The following ASIC5 variants were observed in gnomAD, a reference collection of about 807,000 sequenced individuals.
The protein encoded by ASIC5 is bile acid-sensitive ion channel.
In ASIC5, 52 loss-of-function variants were observed where a neutral mutation model predicts 51.2. The ratio of observed to expected loss-of-function variants is 1.02; its 90% CI spans 0.81 to 1.28. The LOEUF is 1.28. ASIC5 is among the 50% of genes most tolerant of loss of function. ASIC5 has a pLI of 0.00. For synonymous variants in ASIC5, 231 were observed against 200.7 expected (o/e 1.15, Z -1.28); for missense variants, 635 against 595.0 (o/e 1.07, Z -0.70).
At chr4:155,852,467 G>T in intron 3 of ASIC5, 151 bp from the exon 4 acceptor site, 2 of 424,324 alleles carry the variant, frequency 4.7e-6, no homozygotes, top group East Asian at 4.8e-5. Context: ...TGTATTCAGT[G>T]ATAGTTTTTT....
At chr4:155,855,152 T>C (rs1400819722) in intron 2 of ASIC5, 1 of 152,102 alleles carries the variant, frequency 6.6e-6, no homozygotes, top group African/African-American at 2.4e-5. Flanking sequence ...CCAGTTAGGT[T>C]CTAATTGTTA....
At chr4:155,840,443 A>G (rs1741090193) in intron 6 of ASIC5, among the ~76,000 whole-genome samples, 1 of 147,282 alleles carries the variant, frequency 6.8e-6, no homozygotes, top group Non-Finnish European at 1.5e-5. Context: ...ATATAATATA[A>G]TATATATTTT....
chr4:155,861,114 C>T (rs1741692656), intron 2 of ASIC5, among the ~76,000 whole-genome samples: 1 of 151,826 alleles, frequency 6.6e-6, no homozygotes, highest in Non-Finnish European at 1.5e-5. Context: ...GATTGATAAA[C>T]ATATTTGAAT....
At chr4:155,863,371 C>G in intron 2 of ASIC5, 77 bp downstream of exon 2, 1 of 1,187,742 alleles carries the variant, frequency 8.4e-7, no homozygotes, top group Non-Finnish European at 1.2e-6. Context: ...CATGAGAAAA[C>G]TCTTTGTCAG....
chr4:155,851,139 T>C (rs1161109912), intron 4 of ASIC5, among the ~76,000 whole-genome samples: 1 of 152,070 alleles, frequency 6.6e-6, no homozygotes, highest in African/African-American at 2.4e-5. Context: ...TAGATGTTCA[T>C]TGCATTCTAA....
Position 155,829,845 on chromosome 4 carries a change from C to G in ASIC5, c.*11G>C. 1 of 1,482,298 alleles carries G rather than the reference C, an allele frequency of 6.7e-7. No individual in the cohort carries two copies. The highest frequency in any genetic ancestry group is 9.0e-7 in the Non-Finnish European group (1 of 1,112,586). 91.8% of individuals were successfully genotyped at this position (1,482,298 alleles called of 1,614,324 possible). On this transcript the variant is annotated 3_prime_UTR_variant, in exon 10 of 10. Transcript: ENST00000537611. ...ATCATGAAAAGGAAACTATTTTATT[C>G]TAAGTGACCATTAACACTCCTCTAT... is the stretch of plus-strand genomic sequence containing the variant.
chr4:155,848,128 A>T (rs1741298757), intron 4 of ASIC5, among the ~76,000 whole-genome samples: 1 of 152,062 alleles, frequency 6.6e-6, no homozygotes, highest in Admixed American at 6.6e-5. Flanking sequence ...TGGAAAATTA[A>T]GTCTCCTCTC....
At chr4:155,865,079 T>A (rs1741826936) in intron 1 of ASIC5, 2 of 152,016 alleles carry the variant, frequency 1.3e-5, no homozygotes, top group South Asian at 4.1e-4. Context: ...TTATAGGACA[T>A]ATGCTATAAA....
chr4:155,853,136 A>G (rs1478712785), intron 3 of ASIC5, among the ~76,000 whole-genome samples: 5 of 152,072 alleles, frequency 3.3e-5, no homozygotes, highest in Non-Finnish European at 5.9e-5. Context: ...GTAATATGCA[A>G]CTGAAAAAAT....
intron 8 of ASIC5, among the ~76,000 whole-genome samples, chr4:155,835,321 C>T (rs749883644): frequency 2.0e-5 from 3 of 150,886 alleles, no homozygotes; most frequent in Non-Finnish European, 4.4e-5. Flanking sequence ...GTTTGAGCTG[C>T]GGGGATACCG....
At chr4:155,856,143 T>C (rs189334761) in intron 2 of ASIC5, among the ~76,000 whole-genome samples, 1 of 152,090 alleles carries the variant, frequency 6.6e-6, no homozygotes, top group Non-Finnish European at 1.5e-5. Flanking sequence ...AATCTCAAGA[T>C]GATAAATAAG....
intron 4 of ASIC5, among the ~76,000 whole-genome samples, chr4:155,846,759 C>T (rs970870363): frequency 3.8e-4 from 57 of 151,784 alleles, no homozygotes; most frequent in African/African-American, 1.2e-3. Context: ...ACAAACATGT[C>T]GTAACTTAGA....
Position 155,855,843 on chromosome 4 carries a change from C to T in ASIC5, c.348-1529G>A, listed in dbSNP as rs566116271. 8.3e-4 allele frequency among the ~76,000 whole-genome samples: 126 copies of T among 151,952 alleles called. 1 individual carries two copies. Among genetic ancestry groups the T allele is most frequent in the African/African-American group, 2.9e-3 (119 of 41,476 alleles). On this transcript the variant is annotated intron_variant, in intron 2 of 9. Transcript: ENST00000537611. The stretch of plus-strand genomic sequence containing the variant: ...GGGTCAGCTAACGGAAGTGGCCTTG[C>T]AAAGCTGTCTTTTATGTGGAAAATT...
rs1242538037 is a variant in ASIC5, at chr4:155,831,695, C to T, written c.1327+129G>A. 7.5e-6 allele frequency: 4 copies of T among 536,062 alleles called. No homozygotes were observed. The East Asian group carries it at 1.1e-4, about 15-fold the overall frequency. 33.2% of individuals were successfully genotyped at this position (536,062 alleles called of 1,614,324 possible). A position where few individuals can be genotyped will look rare whatever the true frequency, so the allele number is the denominator to read the frequency against. ...CTGAGGCAGGAGAATGGTGTGAACC[C>T]CCTGGGAAGCGGAGCTTGCAGTAAG... On this transcript the variant is annotated intron_variant, in intron 9 of 9. Transcript: ENST00000537611.
intron 4 of ASIC5, 151 bp downstream of exon 4, chr4:155,852,040 A>G: frequency 3.5e-6 from 3 of 853,706 alleles, no homozygotes; most frequent in Non-Finnish European, 5.3e-6. Context: ...GCCAGTAGTT[A>G]TATAAAATCC....
Position 155,852,153 on chromosome 4 carries a change from C to T in ASIC5, c.711+38G>A, listed in dbSNP as rs151022320. The T allele has an allele frequency of 1.0e-4, 162 of 1,610,134 alleles. No individual in the cohort carries two copies. The African/African-American group carries it at 1.8e-3, about 18-fold the overall frequency. ...TGATCAAGTTTTTGAAACCCCCACA[C>T]ATTCTCGTTTGTCTTGAACCTGGAG... On this transcript the variant is annotated intron_variant, in intron 4 of 9. Transcript: ENST00000537611.
At chr4:155,860,408 A>T (rs1383048097) in intron 2 of ASIC5, among the ~76,000 whole-genome samples, 1 of 151,972 alleles carries the variant, frequency 6.6e-6, no homozygotes, top group African/African-American at 2.4e-5. Flanking sequence ...TAGCACATTA[A>T]CTAAAATATT....
Position 155,852,200 on chromosome 4 carries a change from A to G in ASIC5, c.702T>C (p.Asn234=), listed in dbSNP as rs1306135746. The G allele has an allele frequency of 1.2e-6, 2 of 1,611,904 alleles. No homozygotes were observed. Among genetic ancestry groups the G allele is most frequent in the African/African-American group, 1.3e-5 (1 of 74,786 alleles). ...VSGRGLSLLF[N]VNQEAFTDNP... is the part of the protein sequence containing the mutation. ...GGAGAAAATTCAGTACCTGATTCAC[A>G]TTGAAGAGTAAGCTCAAACCTCTTC... Residue 234 remains asparagine (N), a synonymous_variant, in exon 4 of 10, where the codon AAT becomes AAC. Transcript: ENST00000537611.
chr4:155,863,852 T>C (rs1741788952), intron 1 of ASIC5, 98 bp from the exon 2 acceptor site: 1 of 952,358 alleles, frequency 1.1e-6, no homozygotes, highest in Non-Finnish European at 1.5e-6. Flanking sequence ...TTTAAAGAGG[T>C]GACTCTTTTT....
Sources: allele counts gnomAD v4.1 joint callset (sites outside exome capture counted in the v4.1 genomes callset), GRCh38; gene constraint gnomAD v4.1.1; transcripts MANE v1.5; gene names NCBI Gene and HGNC (gene_info 2026-07-23, HGNC 2026-07-21).